Variants in ZFP82 observed in about 807,000 individuals in gnomAD.
ZFP82 encodes ZFP82 zinc finger protein, also known as zinc finger protein 82 homolog.
Under a neutral mutation model 54.0 loss-of-function variants are expected in ZFP82, and 30 were observed. That is an observed-to-expected ratio of 0.56 (90% CI 0.42 to 0.75). The LOEUF is 0.75. Among genes scored for constraint, ZFP82 ranks in the 30% least tolerant of loss-of-function variants. The probability of loss-of-function intolerance (pLI) is 0.00; values close to 1 mark genes in which losing one functional copy is unlikely to be tolerated. For missense variants in ZFP82, 500 were observed against 636.8 expected (o/e 0.79, Z 2.31); for synonymous variants, 194 against 209.5 (o/e 0.93, Z 0.64).
chr19:36,401,264 C>T (rs754194655), intron 4 of ZFP82, among the ~76,000 whole-genome samples: 2 of 152,170 alleles, frequency 1.3e-5, no homozygotes, highest in Non-Finnish European at 2.9e-5. Flanking sequence ...AGGCTGTAAT[C>T]GCTCCAAGTT....
At chr19:36,402,281 A>G (rs2032398721) in intron 4 of ZFP82, among the ~76,000 whole-genome samples, 1 of 151,944 alleles carries the variant, frequency 6.6e-6, no homozygotes, top group Non-Finnish European at 1.5e-5. Context: ...ATCCTGGCTA[A>G]CACGGTAAAA....
intron 4 of ZFP82, among the ~76,000 whole-genome samples, chr19:36,401,475 C>T (rs894859902): frequency 2.6e-5 from 4 of 152,188 alleles, no homozygotes; most frequent in Non-Finnish European, 5.9e-5. Flanking sequence ...TTATATCACT[C>T]CTTCCCACTT....
chr19:36,415,886 C>G (rs1047666740), intron 1 of ZFP82, among the ~76,000 whole-genome samples: 1 of 152,154 alleles, frequency 6.6e-6, no homozygotes, highest in Admixed American at 6.5e-5. Context: ...TTTTCACTCT[C>G]AAGATTCTTC....
At chr19:36,395,241 A>C (rs2032273857) in intron 4 of ZFP82, 1 of 152,170 alleles carries the variant, frequency 6.6e-6, no homozygotes, top group South Asian at 2.1e-4. Flanking sequence ...GGTATTGAGG[A>C]GTTCTACCTA....
intron 1 of ZFP82, among the ~76,000 whole-genome samples, chr19:36,414,008 C>T (rs779127707): frequency 1.3e-5 from 2 of 150,980 alleles, no homozygotes; most frequent in South Asian, 2.1e-4. Flanking sequence ...TCAGGCCAAT[C>T]GTCTGCCTCA....
rs2032225497 is a variant in ZFP82 at position 36,392,866 on chromosome 19, A to G, written c.1474T>C (p.Ser492Pro). Residue 492 changes from serine to proline, a missense_variant, in exon 5 of 5, where the codon TCC becomes CCC. Physicochemically the swap from Ser to Pro is moderately conservative, Grantham distance 74. Coordinates refer to ENST00000392161, the MANE Select transcript of ZFP82 (RefSeq NM_133466.4). ...ECRKAFRLNS[S>P]LIQHLRIHSG... ...TGAATTCTCAGATGTTGAATAAGGG[A>G]TGAATTAAGTCTAAAGGCCTTCCTA... 6.2e-7 allele frequency: 1 copy of G among 1,612,746 alleles called. No homozygotes were observed. The highest frequency in any genetic ancestry group is 1.1e-5 in the South Asian group (1 of 90,866).
At chr19:36,383,334 A>C (rs2032080547) in exon 2 of ZFP82, 1 of 152,212 alleles carries the variant, frequency 6.6e-6, no homozygotes, top group South Asian at 2.1e-4. Context: ...AACTTGTCAC[A>C]TTAACAAACT....
chr19:36,398,607 G>C (rs1192444173), intron 4 of ZFP82, among the ~76,000 whole-genome samples: 1 of 151,470 alleles, frequency 6.6e-6, no homozygotes, highest in Non-Finnish European at 1.5e-5. Context: ...TATACCAACA[G>C]AGTGAAGGAG....
downstream of ZFP82, among the ~76,000 whole-genome samples, chr19:36,385,682 A>C (rs767558041): frequency 1.3e-5 from 2 of 152,218 alleles, no homozygotes; most frequent in Non-Finnish European, 1.5e-5. Context: ...AATTCTGGTG[A>C]GGTCTCAGCT....
At chr19:36,400,484 G>GA (rs2032365137) in intron 4 of ZFP82, among the ~76,000 whole-genome samples, 1 of 152,188 alleles carries the variant, frequency 6.6e-6, no homozygotes, top group South Asian at 2.1e-4. Flanking sequence ...AGCCCATACT[G>GA]AATGCTAATA....
downstream of ZFP82, among the ~76,000 whole-genome samples, chr19:36,385,046 C>T (rs1220737952): frequency 6.6e-6 from 1 of 152,060 alleles, no homozygotes; most frequent in Non-Finnish European, 1.5e-5. Context: ...AAGTTCATTT[C>T]CAAGTTTTTG....
Position 36,390,081 on chromosome 19 carries a change from C to A in ZFP82, c.*2660G>T, listed in dbSNP as rs2032169105. ...AGCTCTGGGCCATGCTGTGCTCTCACCCTCTGCCTCCTGATACACCCAGGT... is the reference window on the plus strand; with the variant it reads ...AGCTCTGGGCCATGCTGTGCTCTCAACCTCTGCCTCCTGATACACCCAGGT... On this transcript the variant is annotated 3_prime_UTR_variant, in exon 5 of 5. Transcript: ENST00000392161. Among the ~76,000 whole-genome samples, 1 of 152,152 alleles carries A rather than the reference C, an allele frequency of 6.6e-6. No individual in the cohort carries two copies. Among genetic ancestry groups the A allele is most frequent in the Admixed American group, 6.6e-5 (1 of 15,260 alleles).
At chr19:36,400,926 A>C (rs2032373038) in intron 4 of ZFP82, among the ~76,000 whole-genome samples, 1 of 152,164 alleles carries the variant, frequency 6.6e-6, no homozygotes, top group Non-Finnish European at 1.5e-5. Context: ...GACTCCATTG[A>C]AAATCTTTCT....
chr19:36,388,326 T>C (rs949533336), downstream of ZFP82, among the ~76,000 whole-genome samples: 23 of 152,192 alleles, frequency 1.5e-4, no homozygotes, highest in African/African-American at 5.3e-4. Context: ...ATTGGGATAT[T>C]TGCCTTATAT....
intron 1 of ZFP82, among the ~76,000 whole-genome samples, chr19:36,417,676 A>G (rs1305588883): frequency 1.3e-5 from 2 of 151,934 alleles, no homozygotes; most frequent in Non-Finnish European, 2.9e-5. Flanking sequence ...AACATAAGAG[A>G]GATGGTGTTG....
In ZFP82 at chr19:36,393,186, T is replaced by C. The variant is rs2032233081; in HGVS notation, c.1154A>G (p.His385Arg). 6 of 1,613,854 alleles carry C rather than the reference T, an allele frequency of 3.7e-6. No individual in the cohort carries two copies. The highest frequency in any genetic ancestry group is 5.1e-6 in the Non-Finnish European group (6 of 1,179,916). Residue 385 changes from histidine to arginine, a missense_variant, in exon 5 of 5, where the codon CAC becomes CGC. Transcript: ENST00000392161. The stretch of plus-strand genomic sequence containing the variant: ...AGGTTTTTCACCAGTATGAATTCTG[T>C]GATGGAGAATAAGATGATAACCACG... ...FSRGYHLILH[H>R]RIHTGEKPYE...
intron 1 of ZFP82, among the ~76,000 whole-genome samples, chr19:36,415,581 T>G (rs1351982898): frequency 6.6e-6 from 1 of 152,074 alleles, no homozygotes; most frequent in East Asian, 1.9e-4. Context: ...AGAGACAGGT[T>G]TTACCATATT....
intron 3 of ZFP82, among the ~76,000 whole-genome samples, chr19:36,406,179 A>G (rs933902058): frequency 6.6e-6 from 1 of 152,190 alleles, no homozygotes; most frequent in Non-Finnish European, 1.5e-5. Context: ...TTTCTGGGAC[A>G]TGTATTATTT....
rs191103036 is a variant in ZFP82 at position 36,407,099 on chromosome 19, C to T, written c.136+788G>A. On this transcript the variant is annotated intron_variant, in intron 3 of 4. Transcript: ENST00000392161. ...CTTTTTTTTTTTTTTTTTTTTGAGA[C>T]GGAGTCTCGCTCTGTCGCCCAGGCT... Among the ~76,000 whole-genome samples the T allele has an allele frequency of 5.0e-3, 595 of 117,936 alleles. 4 individuals are homozygous for T. The highest frequency in any genetic ancestry group is 0.028 in the Middle Eastern group (4 of 144). 77.4% of individuals were successfully genotyped at this position (117,936 alleles called of 152,430 possible).
Sources: gnomAD v4.1 joint callset for allele counts (sites outside exome capture counted in the v4.1 genomes callset) on GRCh38, gnomAD v4.1.1 for gene constraint, MANE v1.5 for transcripts, NCBI Gene and HGNC (gene_info 2026-07-23, HGNC 2026-07-21) for gene names.